Variants in PRKG2 observed in about 807,000 individuals in gnomAD.
PRKG2 encodes the protein protein kinase cGMP-dependent 2, also known as cGMP-dependent protein kinase 2.
A neutral mutation model predicts 97.2 loss-of-function variants in PRKG2; 33 were observed. That is an observed-to-expected ratio of 0.34 (90% CI 0.26 to 0.45). The LOEUF (loss-of-function observed/expected upper bound fraction) is 0.45. Among genes scored for constraint, PRKG2 ranks in the 20% least tolerant of loss-of-function variants. PRKG2 has a pLI of 1.00. For missense variants in PRKG2, 638 were observed against 900.0 expected (o/e 0.71, Z 3.73); for synonymous variants, 330 against 321.8 (o/e 1.03, Z -0.27).
chr4:81,093,360 AACACACACACACACACACAC>A (rs60004845), intron 17 of PRKG2, among the ~76,000 whole-genome samples: 117 of 116,382 alleles, frequency 1.0e-3, no homozygotes, highest in African/African-American at 3.5e-3. Context: ...CTCCCCCACC[AACACACACACACACACACAC>A]ACACACACAC....
intron 14 of PRKG2, among the ~76,000 whole-genome samples, chr4:81,129,793 A>G (rs1262928876): frequency 6.6e-6 from 1 of 151,854 alleles, no homozygotes; most frequent in African/African-American, 2.4e-5. Context: ...CCAATTTGCC[A>G]CTCTGTGTCT....
intron 17 of PRKG2, among the ~76,000 whole-genome samples, chr4:81,097,745 T>C (rs1044372649): frequency 2.6e-5 from 4 of 152,180 alleles, no homozygotes; most frequent in Admixed American, 2.0e-4. Flanking sequence ...GTTATGGAGA[T>C]GGCTTTTTTT....
Position 81,169,708 on chromosome 4 carries a change from C to A in PRKG2, c.803G>T (p.Arg268Met). The change falls in exon 5 of 19, where the codon AGG becomes ATG. Residue 268 changes from arginine (R) to methionine (M), a missense_variant. Arg to Met is a moderately conservative substitution (Grantham distance 91, BLOSUM62 -1). Transcript: ENST00000264399. The part of the protein sequence containing the change: ...DREVFQNIMR[R>M]TAQARDEQYR... ...TTGTTCATCTCTAGCTTGGGCTGTC[C>A]TCCTCATTATATTCTGGAATACCTC... The A allele has an allele frequency of 1.2e-6, 2 of 1,610,176 alleles. No homozygotes were observed. Among genetic ancestry groups the A allele is most frequent in the Non-Finnish European group, 8.5e-7 (1 of 1,177,910 alleles).
At chr4:81,132,180 T>C (rs912278246) in intron 14 of PRKG2, among the ~76,000 whole-genome samples, 15 of 152,148 alleles carry the variant, frequency 9.9e-5, no homozygotes, top group African/African-American at 3.6e-4. Flanking sequence ...TTATGAAGAT[T>C]ATTTTGTTTC....
At chr4:81,203,074 T>A (rs930696024) in intron 2 of PRKG2, among the ~76,000 whole-genome samples, 38 of 151,790 alleles carry the variant, frequency 2.5e-4, no homozygotes, top group Middle Eastern at 3.5e-3. Context: ...AATATTATTA[T>A]ATATGTATAT....
rs1741353661 is a variant in PRKG2, at chr4:81,089,648, G to T, written c.*60C>A. On this transcript the variant is annotated 3_prime_UTR_variant, in exon 19 of 19. Coordinates refer to ENST00000264399, the MANE Select transcript of PRKG2 (RefSeq NM_006259.3). ...ACTCTGAAAAGAAAATAATGTGTTG[G>T]ATTATTGATCCTTGAGGTCCTCTTC... 2.4e-6 allele frequency: 3 copies of T among 1,236,834 alleles called. No homozygotes were observed. Among genetic ancestry groups the T allele is most frequent in the Non-Finnish European group, 3.5e-6 (3 of 857,362 alleles). The allele number at this position is 1,236,834 out of a possible 1,614,324, so 76.6% of individuals were successfully genotyped here. A position where few individuals can be genotyped will look rare whatever the true frequency, so the allele number is the denominator to read the frequency against.
rs1345499388 is a variant in PRKG2 at position 81,088,973 on chromosome 4, G to A, written c.*735C>T. ...ACACATTGTAACTATCTTTAACAAG[G>A]ACTTTCGAAAAGTCTCTAAGGTATC... On this transcript the variant is annotated 3_prime_UTR_variant, in exon 19 of 19. Transcript: ENST00000264399. 6.6e-6 allele frequency: 1 copy of A among 152,104 alleles called. No individual in the cohort carries two copies. Among genetic ancestry groups the A allele is most frequent in the Non-Finnish European group, 1.5e-5 (1 of 68,020 alleles). 9.4% of individuals were successfully genotyped at this position (152,104 alleles called of 1,614,324 possible).
intron 13 of PRKG2, 114 bp from the exon 14 acceptor site, chr4:81,135,410 G>A: frequency 1.8e-6 from 2 of 1,088,968 alleles, no homozygotes; most frequent in East Asian, 5.3e-5. Flanking sequence ...TATTTTGCAG[G>A]GTATCAACAA....
At chr4:81,129,965 G>T (rs1429048609) in intron 14 of PRKG2, among the ~76,000 whole-genome samples, 1 of 152,136 alleles carries the variant, frequency 6.6e-6, no homozygotes, top group East Asian at 1.9e-4. Flanking sequence ...TGCAGTGGCT[G>T]GTACCAGTTT....
At chr4:81,115,268 A>G (rs1207049326) in intron 14 of PRKG2, among the ~76,000 whole-genome samples, 3 of 152,216 alleles carry the variant, frequency 2.0e-5, no homozygotes, top group Admixed American at 1.3e-4. Flanking sequence ...ACCATCATTT[A>G]GTAATATAAA....
At chr4:81,141,198 G>A (rs925649156) in intron 11 of PRKG2, among the ~76,000 whole-genome samples, 1 of 151,738 alleles carries the variant, frequency 6.6e-6, no homozygotes, top group African/African-American at 2.4e-5. Flanking sequence ...TTTTATAAAG[G>A]TGGGGCCTCA....
At position 81,197,232 on chromosome 4, in the gene PRKG2, G is replaced by A. The variant is rs369238457; in HGVS notation, c.461+7355C>T. On this transcript the variant is annotated intron_variant, in intron 2 of 18. Transcript: ENST00000264399. ...TACTACAGTCCTTCCTGGGTATCTAGCAAGGAATGGGCAGTGTCCAGAATG... is the reference window on the plus strand; with the variant it reads ...TACTACAGTCCTTCCTGGGTATCTAACAAGGAATGGGCAGTGTCCAGAATG... 1.5e-4 allele frequency among the ~76,000 whole-genome samples: 23 copies of A among 152,146 alleles called. No homozygotes were observed. In the South Asian group the frequency reaches 2.3e-3, roughly 15 times the overall value.
At chr4:81,179,203 C>T (rs1267854938) in intron 2 of PRKG2, among the ~76,000 whole-genome samples, 10 of 151,496 alleles carry the variant, frequency 6.6e-5, no homozygotes, top group Admixed American at 3.9e-4. Context: ...AGACAAGATG[C>T]ATTATAAACT....
chr4:81,142,963 G>T lies in PRKG2; in HGVS notation c.1254-16C>A. On this transcript the variant is annotated splice_polypyrimidine_tract_variant and intron_variant, in intron 10 of 18. Coordinates refer to ENST00000264399, the MANE Select transcript of PRKG2 (RefSeq NM_006259.3). ...CATGGACCGCCTGTACAAGAGAAGT[G>T]AAACTTTACACACACACACCCATAA... 1.3e-6 allele frequency: 2 copies of T among 1,593,464 alleles called. No homozygotes were observed. The highest frequency in any genetic ancestry group is 1.7e-6 in the Non-Finnish European group (2 of 1,166,554).
At chr4:81,184,612 AG>A (rs1239359184) in intron 2 of PRKG2, among the ~76,000 whole-genome samples, 1 of 152,168 alleles carries the variant, frequency 6.6e-6, no homozygotes, top group Non-Finnish European at 1.5e-5. Flanking sequence ...CTCACCAGCC[AG>A]GGGGACAAAC....
intron 1 of PRKG2, among the ~76,000 whole-genome samples, chr4:81,211,974 C>G (rs902695016): frequency 6.9e-6 from 1 of 145,274 alleles, no homozygotes; most frequent in Non-Finnish European, 1.6e-5. Context: ...TTACCATTAG[C>G]TTGTCTCTCT....
rs775670526 is a variant in PRKG2, at chr4:81,205,079, G to C, written c.-13-19C>G. On this transcript the variant is annotated intron_variant, in intron 1 of 18. Coordinates refer to ENST00000264399, the MANE Select transcript of PRKG2 (RefSeq NM_006259.3). ...CAGGGACCTGAGAAGGCACAGAATT[G>C]GGAAGTATCAAGTGGAGTTTCACTT... The C allele has an allele frequency of 6.6e-7, 1 of 1,506,130 alleles. No homozygotes were observed. Among genetic ancestry groups the C allele is most frequent in the South Asian group, 1.3e-5 (1 of 77,540 alleles). 93.3% of individuals were successfully genotyped at this position (1,506,130 alleles called of 1,614,324 possible). A position where few individuals can be genotyped will look rare whatever the true frequency, so the allele number is the denominator to read the frequency against.
intron 9 of PRKG2, among the ~76,000 whole-genome samples, chr4:81,148,618 G>A (rs953894541): frequency 5.3e-5 from 8 of 152,156 alleles, no homozygotes; most frequent in African/African-American, 1.4e-4. Context: ...AGAAGATGCA[G>A]AATTTAAATC....
chr4:81,189,699 C>A (rs1205475886), intron 2 of PRKG2, among the ~76,000 whole-genome samples: 2 of 151,666 alleles, frequency 1.3e-5, no homozygotes, highest in Non-Finnish European at 2.9e-5. Context: ...CAGCCTGGCA[C>A]ATGTATACAT....
Sources: allele counts gnomAD v4.1 joint callset (sites outside exome capture counted in the v4.1 genomes callset), GRCh38; gene constraint gnomAD v4.1.1; transcripts MANE v1.5; gene names NCBI Gene and HGNC (gene_info 2026-07-23, HGNC 2026-07-21).